SPAG7: variants seen among roughly 807,000 people sequenced by gnomAD.
SPAG7 encodes sperm associated antigen 7, also known as sperm-associated antigen 7.
Under a neutral mutation model 30.6 loss-of-function variants are expected in SPAG7, and 20 were observed. The observed-to-expected ratio is 0.65, with a 90% CI of 0.46 to 0.95. SPAG7 has a LOEUF of 0.95. SPAG7 is among the 40% of genes least tolerant of loss of function. The probability of loss-of-function intolerance (pLI) is 0.00; values close to 1 mark genes in which losing one functional copy is unlikely to be tolerated. For missense variants in SPAG7, 276 were observed against 291.1 expected (o/e 0.95, Z 0.38); for synonymous variants, 127 against 104.2 (o/e 1.22, Z -1.33).
chr17:4,959,317 A>G lies in SPAG7; in HGVS notation c.*217T>C. 1.7e-6 allele frequency: 1 copy of G among 589,742 alleles called. No individual in the cohort carries two copies. The highest frequency in any genetic ancestry group is 3.0e-6 in the Non-Finnish European group (1 of 330,972). 36.5% of individuals were successfully genotyped at this position (589,742 alleles called of 1,614,324 possible). On this transcript the variant is annotated 3_prime_UTR_variant, in exon 7 of 7. Transcript: ENST00000206020. ...GGGGAATAATACAGATTAAATACCC[A>G]CCTGTGCATTCACACTCTCACACAC...
intron 1 of SPAG7, chr17:4,966,588 T>A (rs915560532): frequency 1.1e-4 from 105 of 985,270 alleles, no homozygotes; most frequent in Non-Finnish European, 1.2e-4. Context: ...CTTCTCTCTC[T>A]CATTTACGGA....
chr17:4,964,153 C>T (rs1415965925), intron 1 of SPAG7, among the ~76,000 whole-genome samples: 1 of 151,858 alleles, frequency 6.6e-6, no homozygotes, highest in Non-Finnish European at 1.5e-5. Context: ...TAACTTTCTT[C>T]CTCTTCCTTA....
rs142176072 is a variant in SPAG7 at position 4,960,071 on chromosome 17, C to T, written c.368G>A (p.Arg123His). ...PSDEELDSYR[R>H]GEEWDPQKAE... ...CTTCTGGGGGTCCCATTCCTCTCCA[C>T]GACGGTAAGAGTCTAGCTCTTCATC... The change falls in exon 5 of 7, where the codon CGT becomes CAT. Residue 123 changes from arginine to histidine, a missense_variant. Transcript: ENST00000206020. 80 of 1,614,168 alleles carry T rather than the reference C, an allele frequency of 5.0e-5. No individual in the cohort carries two copies. In the East Asian group the frequency reaches 1.5e-3, roughly 30 times the overall value.
chr17:4,967,066 A>C, intron 1 of SPAG7: 5 of 985,628 alleles, frequency 5.1e-6, no homozygotes, highest in Non-Finnish European at 6.0e-6. Flanking sequence ...CCGAGAACGC[A>C]GGCGGAGACA....
chr17:4,959,494 C>G lies in SPAG7; in HGVS notation c.*40G>C. On this transcript the variant is annotated 3_prime_UTR_variant, in exon 7 of 7. Coordinates refer to ENST00000206020, the MANE Select transcript of SPAG7 (RefSeq NM_004890.3). ...CAGCAGCCTTGTCTCTCCCTGCCCC[C>G]TGCCCTGCCCCAGGGGTCAAAGGGA... 1 of 1,549,300 alleles carries G rather than the reference C, an allele frequency of 6.5e-7. No individual in the cohort carries two copies. The highest frequency in any genetic ancestry group is 8.9e-7 in the Non-Finnish European group (1 of 1,127,534).
At chr17:4,962,825 A>G (rs113542972) in intron 1 of SPAG7, among the ~76,000 whole-genome samples, 7 of 151,752 alleles carry the variant, frequency 4.6e-5, no homozygotes, top group African/African-American at 1.7e-4. Flanking sequence ...TAGGATTACA[A>G]GTGTGGGCCC....
chr17:4,966,758 G>A (rs912686006), intron 1 of SPAG7: 3 of 985,310 alleles, frequency 3.0e-6, no homozygotes, highest in Non-Finnish European at 3.6e-6. Flanking sequence ...TGGCCTCCCT[G>A]AGGGGTACCC....
chr17:4,960,560 G>C lies in SPAG7; in HGVS notation c.154-13C>G, dbSNP rs758623548. On this transcript the variant is annotated splice_polypyrimidine_tract_variant and intron_variant, in intron 2 of 6. Transcript: ENST00000206020. ...CCTCCTTCTCCATCTTGGGAGAGGG[G>C]AAAGGAAGCAGATATGAGACAATGG... The C allele has an allele frequency of 6.3e-7, 1 of 1,595,464 alleles. No homozygotes were observed. The highest frequency in any genetic ancestry group is 1.7e-5 in the Admixed American group (1 of 57,540).
chr17:4,961,918 C>G (rs910530195), intron 1 of SPAG7, among the ~76,000 whole-genome samples: 1 of 151,950 alleles, frequency 6.6e-6, no homozygotes, highest in Non-Finnish European at 1.5e-5. Flanking sequence ...TAACTAAAAC[C>G]TTGGAAAGCA....
intron 5 of SPAG7, 21 bp downstream of exon 5, chr17:4,960,001 G>A: frequency 6.2e-6 from 10 of 1,613,874 alleles, no homozygotes; most frequent in Non-Finnish European, 8.5e-6. Flanking sequence ...TGGACCCCAA[G>A]GGCTGCAAAG....
Position 4,966,885 on chromosome 17 carries a change from G to C in SPAG7, c.85+835C>G. On this transcript the variant is annotated intron_variant, in intron 1 of 6. Transcript: ENST00000206020. ...TCCCCCTGGGGCACGTGGGGAGCTG[G>C]GACAGGGCTCGTCCGTGGTCAAGGT... 5.1e-6 allele frequency: 5 copies of C among 985,516 alleles called. No homozygotes were observed. The South Asian group carries it at 2.3e-4, about 46-fold the overall frequency. 61.0% of individuals were successfully genotyped at this position (985,516 alleles called of 1,614,324 possible).
intron 1 of SPAG7, among the ~76,000 whole-genome samples, chr17:4,963,451 ATTTTTTTTTTTT>A (rs35484038): frequency 9.7e-6 from 1 of 103,200 alleles, no homozygotes; most frequent in South Asian, 3.0e-4. Flanking sequence ...GGAAAGGGGA[ATTTTTTTTTTTT>A]TTTTTTTTTT....
At chr17:4,959,735 A>G in intron 6 of SPAG7, 25 bp downstream of exon 6, 1 of 1,613,716 alleles carries the variant, frequency 6.2e-7, no homozygotes, top group Non-Finnish European at 8.5e-7. Flanking sequence ...TCTCCCAGCC[A>G]CCCCCAGCCG....
At chr17:4,966,841 G>A (rs1035519991) in intron 1 of SPAG7, 14 of 985,394 alleles carry the variant, frequency 1.4e-5, no homozygotes, top group Non-Finnish European at 1.7e-5. Flanking sequence ...ATACTTGGAA[G>A]GCGTCCTGCC....
chr17:4,963,942 G>C (rs1971905390), intron 1 of SPAG7, among the ~76,000 whole-genome samples: 1 of 151,998 alleles, frequency 6.6e-6, no homozygotes, highest in African/African-American at 2.4e-5. Flanking sequence ...CCTGCCTCTT[G>C]CCTGAAGATG....
Position 4,959,557 on chromosome 17 carries a change from C to A in SPAG7, c.661G>T (p.Glu221Ter), listed in dbSNP as rs1407007731. 6.2e-7 allele frequency: 1 copy of A among 1,613,526 alleles called. No homozygotes were observed. Among genetic ancestry groups the A allele is most frequent in the Admixed American group, 1.7e-5 (1 of 60,002 alleles). Reference protein sequence around the residue: ...RAKKRLRQSGEELPPTS With the variant: ...RAKKRLRQSG ...GCCTAGGAGGTTGGCGGCAACTCTTCCCCACTCTGCCGCAGACGCTTCTTG... is the reference window on the plus strand; with the variant it reads ...GCCTAGGAGGTTGGCGGCAACTCTTACCCACTCTGCCGCAGACGCTTCTTG... The change falls in exon 7 of 7, where the codon GAA (glutamate) becomes TAA (stop). Residue 221 changes from glutamate to a stop codon, truncating the protein, a stop_gained. Coordinates refer to ENST00000206020, the MANE Select transcript of SPAG7 (RefSeq NM_004890.3). LOFTEE classifies it high-confidence loss of function.
Position 4,959,841 on chromosome 17 carries a change from C to T in SPAG7, c.493G>A (p.Asp165Asn). The T allele has an allele frequency of 1.9e-6, 3 of 1,614,116 alleles. No individual in the cohort carries two copies. The highest frequency in any genetic ancestry group is 2.2e-5 in the South Asian group (2 of 91,088). Residue 165 changes from aspartate (D) to asparagine (N), a missense_variant, in exon 6 of 7, where the codon GAC becomes AAC. Coordinates refer to ENST00000206020, the MANE Select transcript of SPAG7 (RefSeq NM_004890.3). ...TTGCCGATGAGGTGGCTGTACTTGT[C>T]CTTGTAGTCGCTGGCAGGGCTCACC... ...VVVSPASDYKDKYSHLIGKGA... is the reference protein window; with the variant it reads ...VVVSPASDYKNKYSHLIGKGA...
chr17:4,967,440 T>A (rs1008962557), intron 1 of SPAG7, among the ~76,000 whole-genome samples: 2 of 152,110 alleles, frequency 1.3e-5, no homozygotes, highest in South Asian at 2.1e-4. Flanking sequence ...TCAGACCAGG[T>A]CAGCAGCGGA....
chr17:4,961,549 A>G (rs534807096), intron 1 of SPAG7, among the ~76,000 whole-genome samples: 3 of 150,648 alleles, frequency 2.0e-5, no homozygotes, highest in Non-Finnish European at 4.4e-5. Flanking sequence ...AGGTCAGAAG[A>G]TCGAGACCAT....
Sources: gnomAD v4.1 joint callset for allele counts (sites outside exome capture counted in the v4.1 genomes callset) on GRCh38, gnomAD v4.1.1 for gene constraint, MANE v1.5 for transcripts, NCBI Gene and HGNC (gene_info 2026-07-23, HGNC 2026-07-21) for gene names.